Variants in GALNT13 observed in about 807,000 individuals in gnomAD.
The protein encoded by GALNT13 is UDP-GalNAc:polypeptide N-acetylgalactosaminyltransferase 13.
In GALNT13, 28 loss-of-function variants were observed where a neutral mutation model predicts 64.2. That is an observed-to-expected ratio of 0.44 (90% CI 0.32 to 0.60). The LOEUF (loss-of-function observed/expected upper bound fraction) is 0.60. Among genes scored for constraint, GALNT13 ranks in the 20% least tolerant of loss-of-function variants. The pLI is 0.05. For missense variants in GALNT13, 577 were observed against 669.8 expected, an observed-to-expected ratio of 0.86 and a Z score of 1.53; for synonymous variants, 214 against 224.6, an observed-to-expected ratio of 0.95 and a Z score of 0.42.
At chr2:153,356,297 T>C in the GALNT13 span, among the ~76,000 whole-genome samples, 2 of 152,236 alleles carry the variant, frequency 1.3e-5, no homozygotes, top group Admixed American at 6.5e-5. Flanking sequence ...TGATTAAAAC[T>C]TGACATTGTT....
At chr2:153,889,768 A>G (rs1302107641) in intron 1 of GALNT13, among the ~76,000 whole-genome samples, 4 of 151,344 alleles carry the variant, frequency 2.6e-5, no homozygotes, top group African/African-American at 9.7e-5. Flanking sequence ...TAATAAATGT[A>G]GCTAGTGATT....
chr2:153,622,532 T>C, the GALNT13 span, among the ~76,000 whole-genome samples: 1 of 152,162 alleles, frequency 6.6e-6, no homozygotes, highest in Non-Finnish European at 1.5e-5. Context: ...GTTTATGGTC[T>C]CGCCAAAGGG....
intron 1 of GALNT13, among the ~76,000 whole-genome samples, chr2:153,890,312 T>C (rs138586498): frequency 1.2e-3 from 189 of 152,138 alleles, no homozygotes; most frequent in Non-Finnish European, 2.2e-3. Flanking sequence ...TTGTATTTTA[T>C]GGGAAAATAT....
At chr2:153,963,447 A>G (rs748478466) in intron 3 of GALNT13, among the ~76,000 whole-genome samples, 3 of 152,160 alleles carry the variant, frequency 2.0e-5, no homozygotes, top group Non-Finnish European at 4.4e-5. Context: ...CAAAGGATGG[A>G]AGTGCTGAGT....
chr2:153,403,106 G>A, the GALNT13 span, among the ~76,000 whole-genome samples: 1 of 151,690 alleles, frequency 6.6e-6, no homozygotes, highest in Non-Finnish European at 1.5e-5. Flanking sequence ...ATGGGTTTTT[G>A]GTGTGGATGT....
At chr2:154,118,601 G>T in intron 3 of GALNT13, among the ~76,000 whole-genome samples, 1 of 151,062 alleles carries the variant, frequency 6.6e-6, no homozygotes, top group African/African-American at 2.4e-5. Context: ...CTCTCTTGCA[G>T]TCTTTCTTTG....
At chr2:154,025,641 G>T (rs919459777) in intron 3 of GALNT13, among the ~76,000 whole-genome samples, 1 of 152,114 alleles carries the variant, frequency 6.6e-6, no homozygotes, top group Non-Finnish European at 1.5e-5. Flanking sequence ...AGCTTCATTA[G>T]TGCTATGATT....
At chr2:153,248,420 A>G in the GALNT13 span, among the ~76,000 whole-genome samples, 9 of 152,182 alleles carry the variant, frequency 5.9e-5, no homozygotes, top group South Asian at 1.0e-3. Context: ...ACACAAATTA[A>G]TAAATATAAT....
the GALNT13 span, among the ~76,000 whole-genome samples, chr2:153,623,840 G>A: frequency 6.6e-6 from 1 of 151,866 alleles, no homozygotes; most frequent in African/African-American, 2.4e-5. Context: ...TCCTATTTAA[G>A]TAAGCAGATA....
At chr2:153,899,157 T>C (rs944172420) in intron 1 of GALNT13, among the ~76,000 whole-genome samples, 2 of 152,184 alleles carry the variant, frequency 1.3e-5, no homozygotes, top group Non-Finnish European at 1.5e-5. Context: ...GATGTGGTTT[T>C]CATGCCCCCA....
the GALNT13 span, among the ~76,000 whole-genome samples, chr2:153,385,274 G>A: frequency 6.6e-6 from 1 of 152,012 alleles, no homozygotes; most frequent in Non-Finnish European, 1.5e-5. Context: ...ACTAAATGTG[G>A]AAACAACCTA....
At chr2:153,220,850 A>T in the GALNT13 span, among the ~76,000 whole-genome samples, 1 of 152,252 alleles carries the variant, frequency 6.6e-6, no homozygotes, top group Non-Finnish European at 1.5e-5. Context: ...TAATCCAGCT[A>T]TATCAATGAT....
At chr2:153,228,829 C>A in the GALNT13 span, among the ~76,000 whole-genome samples, 24,744 of 138,980 alleles carry the variant, frequency 0.18, 2,173 homozygotes, top group Admixed American at 0.19. Flanking sequence ...GTCCAGATAG[C>A]ACCACTGCAC....
chr2:154,455,332 GC>G (rs542565040), downstream of GALNT13, among the ~76,000 whole-genome samples: 24 of 152,152 alleles, frequency 1.6e-4, no homozygotes, highest in South Asian at 1.9e-3. Context: ...CTCAGAGGAG[GC>G]AAAACATGTA....
intron 8 of GALNT13, among the ~76,000 whole-genome samples, chr2:154,299,704 C>T (rs962146228): frequency 1.3e-5 from 2 of 151,614 alleles, no homozygotes; most frequent in Non-Finnish European, 2.9e-5. Flanking sequence ...ACCTCGTGAT[C>T]CGCCCACCTC....
At chr2:154,021,189 T>C (rs1697455124) in intron 3 of GALNT13, among the ~76,000 whole-genome samples, 2 of 152,190 alleles carry the variant, frequency 1.3e-5, no homozygotes, top group African/African-American at 4.8e-5. Flanking sequence ...TGCGGGCTCT[T>C]TTTTGGTTCC....
At chr2:153,652,899 C>T in the GALNT13 span, among the ~76,000 whole-genome samples, 4 of 151,750 alleles carry the variant, frequency 2.6e-5, no homozygotes, top group South Asian at 6.2e-4. Flanking sequence ...AAAAATGTTC[C>T]CTTCTTTTCT....
chr2:153,404,042 A>C, the GALNT13 span, among the ~76,000 whole-genome samples: 2 of 152,154 alleles, frequency 1.3e-5, no homozygotes, highest in Non-Finnish European at 1.5e-5. Flanking sequence ...AAACACTGCA[A>C]ATCTCCCCTT....
At chr2:153,617,144 G>C in the GALNT13 span, among the ~76,000 whole-genome samples, 248 of 152,062 alleles carry the variant, frequency 1.6e-3, 2 homozygotes, top group African/African-American at 5.8e-3. Context: ...TCATGTTCCA[G>C]ATTTTAGAGA....
Sources: allele counts gnomAD v4.1 joint callset (sites outside exome capture counted in the v4.1 genomes callset), GRCh38; gene constraint gnomAD v4.1.1; transcripts MANE v1.5; gene names NCBI Gene and HGNC (gene_info 2026-07-23, HGNC 2026-07-21).